The following WIF1 variants were observed in gnomAD, a reference collection of about 807,000 sequenced individuals.
The protein encoded by WIF1 is Wnt inhibitory factor 1.
Under a neutral mutation model 53.5 loss-of-function variants are expected in WIF1, and 35 were observed. The ratio of observed to expected loss-of-function variants is 0.65; its 90% CI spans 0.50 to 0.87. The LOEUF (loss-of-function observed/expected upper bound fraction) is 0.87, where lower values mean the gene tolerates loss of function less well. Ranked by LOEUF, WIF1 falls within the 40% of genes least tolerant of loss-of-function variation. The pLI is 0.00. For missense variants in WIF1, 467 were observed against 476.8 expected, an observed-to-expected ratio of 0.98 and a Z score of 0.19; for synonymous variants, 171 against 170.4, an observed-to-expected ratio of 1.00 and a Z score of -0.03.
intron 2 of WIF1, among the ~76,000 whole-genome samples, chr12:65,090,226 C>G (rs1883102510): frequency 6.6e-6 from 1 of 152,136 alleles, no homozygotes; most frequent in South Asian, 2.1e-4. Context: ...GTCCAAATAA[C>G]AATGGCCACG....
chr12:65,074,471 C>CCAAAA (rs547658659), intron 3 of WIF1, among the ~76,000 whole-genome samples: 2 of 151,622 alleles, frequency 1.3e-5, no homozygotes, highest in East Asian at 1.9e-4. Flanking sequence ...CTGACTGCTT[C>CCAAAA]CAAAACAAAA....
intron 9 of WIF1, chr12:65,054,073 C>CTTTTTTTTTT (rs5798769): frequency 2.1e-5 from 2 of 96,688 alleles, no homozygotes; most frequent in Non-Finnish European, 3.8e-5. Flanking sequence ...TGTGAATTTG[C>CTTTTTTTTTT]TTTTTTTTTT....
chr12:65,061,974 C>A (rs939257325), intron 7 of WIF1, among the ~76,000 whole-genome samples: 2 of 152,136 alleles, frequency 1.3e-5, no homozygotes, highest in African/African-American at 4.8e-5. Context: ...GCTGTTTGTG[C>A]TACTATTTCA....
rs1169511138 is a variant in WIF1 at position 65,070,206 on chromosome 12, G to A, written c.398-1302C>T. On this transcript the variant is annotated intron_variant, in intron 3 of 9. Coordinates refer to ENST00000286574, the MANE Select transcript of WIF1 (RefSeq NM_007191.5). ...TCCTCTTACAGCTCTGGCATTGTCAGTGTTCATTGCTATGCCATACTCAAA... is the reference window on the plus strand; with the variant it reads ...TCCTCTTACAGCTCTGGCATTGTCAATGTTCATTGCTATGCCATACTCAAA... 3.3e-5 allele frequency among the ~76,000 whole-genome samples: 5 copies of A among 152,152 alleles called. No individual in the cohort carries two copies. The South Asian group carries it at 1.0e-3, about 31-fold the overall frequency.
At chr12:65,079,245 T>A (rs961014101) in intron 2 of WIF1, among the ~76,000 whole-genome samples, 17 of 150,218 alleles carry the variant, frequency 1.1e-4, no homozygotes, top group Admixed American at 1.1e-3. Context: ...GGATCAATGT[T>A]ACACCAATAA....
At chr12:65,101,499 C>A (rs1278957923) in intron 2 of WIF1, among the ~76,000 whole-genome samples, 4 of 151,928 alleles carry the variant, frequency 2.6e-5, no homozygotes, top group Non-Finnish European at 4.4e-5. Flanking sequence ...GCAAAAACTG[C>A]CTAAAATGAA....
Position 65,051,154 on chromosome 12 carries a change from T to C in WIF1, c.*195A>G. 1.7e-6 allele frequency: 1 copy of C among 578,762 alleles called. No individual in the cohort carries two copies. Among genetic ancestry groups the C allele is most frequent in the South Asian group, 4.4e-5 (1 of 22,766 alleles). 35.9% of individuals were successfully genotyped at this position (578,762 alleles called of 1,614,324 possible). A position where few individuals can be genotyped will look rare whatever the true frequency, so the allele number is the denominator to read the frequency against. ...CCCAAAGCACTGAAACAAGAAAATC[T>C]ATACCATCATGCTACAGACGTACTT... is the stretch of plus-strand genomic sequence containing the variant. On this transcript the variant is annotated 3_prime_UTR_variant, in exon 10 of 10. Coordinates refer to ENST00000286574, the MANE Select transcript of WIF1 (RefSeq NM_007191.5).
rs747928740 is a variant in WIF1 at position 65,056,126 on chromosome 12, C to A, written c.827G>T (p.Ser276Ile). Reference sequence around the variant, plus strand: ...ATTTCGACAGGGTTGTGGGCATTTGCCTGAAAAAGAGAAGAATGCAGCTAA... The same window carrying A: ...ATTTCGACAGGGTTGTGGGCATTTGACTGAAAAAGAGAAGAATGCAGCTAA... Reference protein sequence around the residue: ...PGLEGEQCEISKCPQPCRNGG... With the variant: ...PGLEGEQCEIIKCPQPCRNGG... The change falls in exon 8 of 10, where the codon AGC becomes ATC. Residue 276 changes from serine to isoleucine, a missense_variant and splice_region_variant. Transcript: ENST00000286574. The A allele has an allele frequency of 1.1e-5, 18 of 1,612,688 alleles. No homozygotes were observed. The highest frequency in any genetic ancestry group is 1.4e-5 in the Non-Finnish European group (16 of 1,179,610).
intron 3 of WIF1, among the ~76,000 whole-genome samples, chr12:65,072,909 AAAC>A (rs1295858485): frequency 1.3e-5 from 2 of 152,204 alleles, no homozygotes; most frequent in African/African-American, 4.8e-5. Context: ...AGGTGAATTA[AAAC>A]AACTCAGAAA....
chr12:65,068,842 C>T lies in WIF1; in HGVS notation c.460G>A (p.Val154Met), dbSNP rs1882729238. 1 of 1,613,590 alleles carries T rather than the reference C, an allele frequency of 6.2e-7. No individual in the cohort carries two copies. Among genetic ancestry groups the T allele is most frequent in the African/African-American group, 1.3e-5 (1 of 74,898 alleles). ...QDGVAAFEVD[V>M]IVMNSEGNTI... ...TTGCCTTCAGAATTCATAACAATCA[C>T]ATCCACTTCAAATGCTGCCACCCCA... The change falls in exon 4 of 10, where the codon GTG becomes ATG. Residue 154 changes from valine to methionine, a missense_variant. Physicochemically the swap from Val to Met is conservative, Grantham distance 21. Transcript: ENST00000286574.
chr12:65,115,174 TAAAAAA>T (rs35429732), intron 2 of WIF1, among the ~76,000 whole-genome samples: 2 of 106,760 alleles, frequency 1.9e-5, no homozygotes, highest in Non-Finnish European at 1.9e-5. Context: ...TTGTCATTGC[TAAAAAA>T]AAAAAAAAAA....
intron 2 of WIF1, among the ~76,000 whole-genome samples, chr12:65,098,266 G>C (rs746902448): frequency 2.6e-5 from 4 of 152,080 alleles, no homozygotes; most frequent in Admixed American, 6.6e-5. Flanking sequence ...TGTATCTGTA[G>C]TTCCTTTTGA....
intron 3 of WIF1, among the ~76,000 whole-genome samples, chr12:65,074,421 A>G (rs2136619325): frequency 6.6e-6 from 1 of 152,222 alleles, no homozygotes; most frequent in East Asian, 1.9e-4. Context: ...AAAGAAAAAT[A>G]TAAAATAGAA....
At chr12:65,084,284 A>C (rs1031453960) in intron 2 of WIF1, among the ~76,000 whole-genome samples, 1 of 152,132 alleles carries the variant, frequency 6.6e-6, no homozygotes, top group Non-Finnish European at 1.5e-5. Context: ...CAATACATCA[A>C]ATGAAACCAC....
intron 2 of WIF1, among the ~76,000 whole-genome samples, chr12:65,104,525 C>T (rs1883326766): frequency 6.6e-6 from 1 of 152,182 alleles, no homozygotes; most frequent in East Asian, 1.9e-4. Context: ...TGACCTCAGG[C>T]AAGTTATTCA....
At chr12:65,106,373 A>AT (rs778399925) in intron 2 of WIF1, among the ~76,000 whole-genome samples, 3,656 of 142,372 alleles carry the variant, frequency 0.026, 76 homozygotes, top group African/African-American at 0.071. Flanking sequence ...ATATATATAT[A>AT]TTTTTTTTTA....
intron 2 of WIF1, among the ~76,000 whole-genome samples, chr12:65,111,210 T>C (rs1883426053): frequency 6.6e-6 from 1 of 152,192 alleles, no homozygotes; most frequent in Non-Finnish European, 1.5e-5. Flanking sequence ...TCTTTACCCC[T>C]GATCTCCTCT....
intron 7 of WIF1, among the ~76,000 whole-genome samples, chr12:65,057,558 A>G (rs1479735774): frequency 6.6e-6 from 1 of 151,972 alleles, no homozygotes; most frequent in Non-Finnish European, 1.5e-5. Flanking sequence ...CTGGCATAAG[A>G]TGTTTTGAAG....
intron 2 of WIF1, among the ~76,000 whole-genome samples, chr12:65,081,703 C>A (rs1339982007): frequency 6.6e-6 from 1 of 152,146 alleles, no homozygotes; most frequent in Non-Finnish European, 1.5e-5. Flanking sequence ...CAGAGTAAAT[C>A]GTTTTCTTTC....
Sources: gnomAD v4.1 joint callset for allele counts (sites outside exome capture counted in the v4.1 genomes callset) on GRCh38, gnomAD v4.1.1 for gene constraint, MANE v1.5 for transcripts, NCBI Gene and HGNC (gene_info 2026-07-23, HGNC 2026-07-21) for gene names.